Variants in TTC23L observed in about 807,000 individuals in gnomAD.
TTC23L encodes tetratricopeptide repeat domain 23 like.
In TTC23L, 42 loss-of-function variants were observed where a neutral mutation model predicts 48.1. The observed-to-expected ratio is 0.87, with a 90% CI of 0.68 to 1.13. The LOEUF is 1.13. TTC23L is among the 50% of genes most tolerant of loss of function. TTC23L has a pLI of 0.00. For synonymous variants in TTC23L, 159 were observed against 157.2 expected (o/e 1.01, Z -0.09); for missense variants, 391 against 421.0 (o/e 0.93, Z 0.62).
the TTC23L span, chr5:34,909,490 A>AT: frequency 1.8e-6 from 1 of 561,152 alleles, no homozygotes; most frequent in East Asian, 2.9e-5. Flanking sequence ...CTTATAACAC[A>AT]CGATAACAAG....
At chr5:34,915,932 G>C in the TTC23L span, 2 of 1,505,810 alleles carry the variant, frequency 1.3e-6, no homozygotes, top group South Asian at 2.6e-5. Flanking sequence ...CACCTGCGGC[G>C]GCGGCTCTGT....
chr5:34,917,072 C>T, the TTC23L span, among the ~76,000 whole-genome samples: 3 of 151,448 alleles, frequency 2.0e-5, no homozygotes, highest in South Asian at 6.3e-4. Context: ...GGATTTAGCC[C>T]GTAAGCTGCA....
the TTC23L span, among the ~76,000 whole-genome samples, chr5:34,916,990 C>T: frequency 6.6e-6 from 1 of 152,170 alleles, no homozygotes; most frequent in South Asian, 2.1e-4. Flanking sequence ...AGCCATACTT[C>T]GATACATTCT....
chr5:34,919,689 C>T, the TTC23L span: 1 of 349,062 alleles, frequency 2.9e-6, no homozygotes, highest in Non-Finnish European at 5.3e-6. Context: ...GCGATTGTTT[C>T]CAGCTCTTGT....
At chr5:34,845,715 A>C in intron 3 of TTC23L, 42 bp downstream of exon 3, 1 of 1,562,074 alleles carries the variant, frequency 6.4e-7, no homozygotes, top group Non-Finnish European at 8.7e-7. Flanking sequence ...CCATTTAAAA[A>C]TATGTTCCTG....
intron 4 of TTC23L, among the ~76,000 whole-genome samples, chr5:34,855,289 A>G (rs1760034965): frequency 6.6e-6 from 1 of 151,684 alleles, no homozygotes; most frequent in Non-Finnish European, 1.5e-5. Context: ...TGGGCAGGCC[A>G]TGGTGTGGTT....
chr5:34,911,913 C>T, the TTC23L span: 17 of 1,355,376 alleles, frequency 1.3e-5, no homozygotes, highest in African/African-American at 4.4e-5. Context: ...ATTTATTCCG[C>T]CCAATTTCTC....
chr5:34,880,708 G>A (rs1249449415), intron 9 of TTC23L: 6 of 355,346 alleles, frequency 1.7e-5, no homozygotes, highest in South Asian at 2.1e-5. Context: ...GGGCGATCTC[G>A]GCTCACTGCA....
At chr5:34,862,569 C>T (rs962025362) in intron 4 of TTC23L, among the ~76,000 whole-genome samples, 1 of 152,146 alleles carries the variant, frequency 6.6e-6, no homozygotes, top group African/African-American at 2.4e-5. Context: ...CCTTCCATTC[C>T]TGTCTCTGTC....
chr5:34,898,330 A>G (rs962152818), intron 10 of TTC23L, among the ~76,000 whole-genome samples: 1 of 152,142 alleles, frequency 6.6e-6, no homozygotes, highest in African/African-American at 2.4e-5. Context: ...AAAGATATAG[A>G]CTTATCAGGT....
the TTC23L span, chr5:34,909,035 T>G: frequency 7.9e-7 from 1 of 1,265,106 alleles, no homozygotes; most frequent in Non-Finnish European, 1.1e-6. Flanking sequence ...GTAGCAAATC[T>G]AAGAATAAAA....
chr5:34,856,307 A>G (rs922258168), intron 4 of TTC23L, among the ~76,000 whole-genome samples: 2 of 152,236 alleles, frequency 1.3e-5, no homozygotes, highest in Non-Finnish European at 2.9e-5. Context: ...TGCTCACTGG[A>G]ACATTTTGGA....
At chr5:34,915,651 C>A in the TTC23L span, 8 of 1,430,208 alleles carry the variant, frequency 5.6e-6, no homozygotes, top group African/African-American at 1.2e-4. Flanking sequence ...CGGAGCTGAG[C>A]GCTTAGAGCC....
downstream of TTC23L, among the ~76,000 whole-genome samples, chr5:34,904,367 A>G (rs1035310264): frequency 3.3e-5 from 5 of 151,482 alleles, no homozygotes; most frequent in Non-Finnish European, 5.9e-5. Context: ...AGGCTGAGGC[A>G]GGAGGATCAC....
the TTC23L span, among the ~76,000 whole-genome samples, chr5:34,910,139 C>T: frequency 2.4e-4 from 37 of 152,218 alleles, 1 homozygote; most frequent in Admixed American, 1.6e-3. Context: ...TCCCTAGTGT[C>T]GCAGGTACTT....
chr5:34,914,919 G>A, the TTC23L span: 1 of 1,613,012 alleles, frequency 6.2e-7, no homozygotes, highest in Non-Finnish European at 8.5e-7. Flanking sequence ...GGCCCCGAGG[G>A]ATGCTCCTGG....
the TTC23L span, chr5:34,914,847 T>C: frequency 1.9e-6 from 3 of 1,614,188 alleles, no homozygotes; most frequent in Non-Finnish European, 2.5e-6. Context: ...GCCACAAGGC[T>C]GTACTGATCA....
At chr5:34,913,968 C>T in the TTC23L span, 13 of 457,036 alleles carry the variant, frequency 2.8e-5, no homozygotes, top group Non-Finnish European at 4.4e-5. Flanking sequence ...GATCTTCGTG[C>T]TTCAGCCTCG....
At chr5:34,859,865 A>T (rs1760454721) in intron 4 of TTC23L, among the ~76,000 whole-genome samples, 2 of 97,338 alleles carry the variant, frequency 2.1e-5, no homozygotes, top group African/African-American at 3.9e-5. Context: ...TTTTTTTGAG[A>T]CGGAATCTCA....
Sources: gnomAD v4.1 joint callset for allele counts (sites outside exome capture counted in the v4.1 genomes callset) on GRCh38, gnomAD v4.1.1 for gene constraint, MANE v1.5 for transcripts, NCBI Gene and HGNC (gene_info 2026-07-23, HGNC 2026-07-21) for gene names.